Variants in BNC2 observed in about 807,000 individuals in gnomAD.
The protein encoded by BNC2 is basonuclin zinc finger protein 2.
A neutral mutation model predicts 76.3 loss-of-function variants in BNC2; 20 were observed. The ratio of observed to expected loss-of-function variants is 0.26; its 90% CI spans 0.18 to 0.38. The LOEUF (loss-of-function observed/expected upper bound fraction) is 0.38, where lower values mean the gene tolerates loss of function less well. Among genes scored for constraint, BNC2 ranks in the 10% least tolerant of loss-of-function variants. The pLI is 1.00. For missense variants in BNC2, 1,382 were observed against 1,399.8 expected (o/e 0.99, Z 0.20); for synonymous variants, 582 against 514.8 (o/e 1.13, Z -1.77).
At chr9:16,722,387 A>G (rs1229125660) in intron 3 of BNC2, among the ~76,000 whole-genome samples, 1 of 152,238 alleles carries the variant, frequency 6.6e-6, no homozygotes, top group Non-Finnish European at 1.5e-5. Context: ...CTGTCCTGTC[A>G]CTGCATTAAT....
rs144491502 is a variant in BNC2 at position 16,780,514 on chromosome 9, G to A, written c.4-42029C>T. ...CTGAACCCAGGAGGCGGAGGCTGCA[G>A]TGAGCCGAGATCACACCACTACACT... On this transcript the variant is annotated intron_variant, in intron 1 of 6. Coordinates refer to ENST00000380672, the MANE Select transcript of BNC2 (RefSeq NM_017637.6). Among the ~76,000 whole-genome samples, 32 of 151,846 alleles carry A rather than the reference G, an allele frequency of 2.1e-4. No homozygotes were observed. The East Asian group carries it at 5.8e-3, about 28-fold the overall frequency.
chr9:16,615,190 A>G (rs1587237654), intron 3 of BNC2, among the ~76,000 whole-genome samples: 1 of 152,216 alleles, frequency 6.6e-6, no homozygotes, highest in African/African-American at 2.4e-5. Flanking sequence ...GTAATTTAGC[A>G]GGTAAGTTTA....
intron 3 of BNC2, among the ~76,000 whole-genome samples, chr9:16,605,857 C>T (rs977418753): frequency 1.3e-5 from 2 of 148,436 alleles, no homozygotes; most frequent in Admixed American, 6.8e-5. Flanking sequence ...GGCACAACCA[C>T]GGTTCACTGT....
intron 1 of BNC2, among the ~76,000 whole-genome samples, chr9:16,862,102 A>C (rs930570141): frequency 6.6e-6 from 1 of 152,224 alleles, no homozygotes; most frequent in African/African-American, 2.4e-5. Flanking sequence ...TTGGAAAACA[A>C]TTTGGAAGTT....
At chr9:16,456,999 T>C (rs531798253) in intron 5 of BNC2, among the ~76,000 whole-genome samples, 94 of 152,308 alleles carry the variant, frequency 6.2e-4, no homozygotes, top group African/African-American at 2.2e-3. Flanking sequence ...TGTGAGTATA[T>C]GTGGTGGGGA....
chr9:16,840,642 A>T (rs1440242807), intron 1 of BNC2, among the ~76,000 whole-genome samples: 1 of 152,210 alleles, frequency 6.6e-6, no homozygotes, highest in Non-Finnish European at 1.5e-5. Context: ...AGATATACCA[A>T]AAGCAAAAAA....
intron 3 of BNC2, among the ~76,000 whole-genome samples, chr9:16,686,346 A>C (rs1164554300): frequency 6.6e-6 from 1 of 152,196 alleles, no homozygotes; most frequent in African/African-American, 2.4e-5. Context: ...TAATTAGTCA[A>C]TATCATCCCT....
At chr9:16,526,249 A>C (rs1051407231) in intron 5 of BNC2, among the ~76,000 whole-genome samples, 2 of 152,110 alleles carry the variant, frequency 1.3e-5, no homozygotes, top group African/African-American at 4.8e-5. Context: ...TGTGGCAAAG[A>C]ATATGGTATT....
intron 3 of BNC2, among the ~76,000 whole-genome samples, chr9:16,607,235 C>T (rs1022103140): frequency 6.6e-6 from 1 of 152,148 alleles, no homozygotes; most frequent in South Asian, 2.1e-4. Flanking sequence ...AGCCACAGTG[C>T]GCTGTGGTAT....
rs557064820 is a variant in BNC2 at position 16,676,717 on chromosome 9, G to A, written c.330+51080C>T. On this transcript the variant is annotated intron_variant, in intron 3 of 6. Coordinates refer to ENST00000380672, the MANE Select transcript of BNC2 (RefSeq NM_017637.6). Reference sequence around the variant, plus strand: ...TGCCTAAGCAGATGCTAAGTTAACCGCAGCAGCGGAATAAAGAAGGTCTCG... The same window carrying A: ...TGCCTAAGCAGATGCTAAGTTAACCACAGCAGCGGAATAAAGAAGGTCTCG... 5.3e-5 allele frequency among the ~76,000 whole-genome samples: 8 copies of A among 152,126 alleles called. No homozygotes were observed. The East Asian group carries it at 5.8e-4, about 11-fold the overall frequency.
At chr9:16,561,334 T>A (rs1819008676) in intron 4 of BNC2, among the ~76,000 whole-genome samples, 1 of 151,878 alleles carries the variant, frequency 6.6e-6, no homozygotes, top group Non-Finnish European at 1.5e-5. Flanking sequence ...AAATTGGAGA[T>A]AGAAACGGGG....
chr9:16,616,225 T>A lies in BNC2; in HGVS notation c.331-33140A>T, dbSNP rs185352282. On this transcript the variant is annotated intron_variant, in intron 3 of 6. Coordinates refer to ENST00000380672, the MANE Select transcript of BNC2 (RefSeq NM_017637.6). ...AACAAAGTAAGACACTGTCTCTACA[T>A]AATAAAAAATAAATAAATTAGGTGG... Among the ~76,000 whole-genome samples, 235 of 151,374 alleles carry A rather than the reference T, an allele frequency of 1.6e-3. 2 individuals are homozygous for A. The highest frequency in any genetic ancestry group is 5.4e-3 in the African/African-American group (221 of 41,222).
rs141651457 is a variant in BNC2, at chr9:16,760,085, G to C, written c.4-21600C>G. 3.8e-3 allele frequency among the ~76,000 whole-genome samples: 578 copies of C among 152,236 alleles called. 2 individuals carry two copies. The highest frequency in any genetic ancestry group is 0.013 in the African/African-American group (554 of 41,540). On this transcript the variant is annotated intron_variant, in intron 1 of 6. Coordinates refer to ENST00000380672, the MANE Select transcript of BNC2 (RefSeq NM_017637.6). ...TTTTATTTGCAGTGAGAATGTATAGGAAATAGCTATAATGATACTTCCATG... is the reference window on the plus strand; with the variant it reads ...TTTTATTTGCAGTGAGAATGTATAGCAAATAGCTATAATGATACTTCCATG...
Position 16,436,459 on chromosome 9 carries a change from G to A in BNC2, c.1735C>T (p.Pro579Ser). 6.2e-7 allele frequency: 1 copy of A among 1,614,046 alleles called. No individual in the cohort carries two copies. Among genetic ancestry groups the A allele is most frequent in the Non-Finnish European group, 8.5e-7 (1 of 1,179,988 alleles). ...VPPFYRSLLT[P>S]GEMVSPPTSL... ...GTTGGAGGACTCACCATTTCCCCTG[G>A]AGTGAGTAAACTTCTATAAAATGGA... is the stretch of plus-strand genomic sequence containing the variant. The change falls in exon 6 of 7, where the codon CCA (proline) becomes TCA (serine). Residue 579 changes from proline to serine, a missense_variant. Physicochemically the swap from Pro to Ser is moderately conservative, Grantham distance 74. Around this residue, in one of 3 missense-constraint regions of BNC2, gnomAD observed 798 missense variants for 775.5 expected, o/e 1.03. Coordinates refer to ENST00000380672, the MANE Select transcript of BNC2 (RefSeq NM_017637.6).
intron 4 of BNC2, among the ~76,000 whole-genome samples, chr9:16,561,535 C>T (rs755021829): frequency 3.3e-5 from 5 of 151,156 alleles, no homozygotes; most frequent in Non-Finnish European, 4.4e-5. Flanking sequence ...TAAAACTGAT[C>T]CACTTGAGAA....
rs1376517782 is a variant in BNC2 at position 16,749,062 on chromosome 9, C to G, written c.4-10577G>C. Among the ~76,000 whole-genome samples the G allele has an allele frequency of 1.4e-4, 5 of 36,048 alleles. No homozygotes were observed. The East Asian group carries it at 3.3e-3, about 24-fold the overall frequency. 23.6% of individuals were successfully genotyped at this position (36,048 alleles called of 152,430 possible). A position where few individuals can be genotyped will look rare whatever the true frequency, so the allele number is the denominator to read the frequency against. ...TGGGGGAATGACTATCTTAGAAATT[C>G]AGTATGTAAGCTTGTAAGCTTTGTT... On this transcript the variant is annotated intron_variant, in intron 1 of 6. Transcript: ENST00000380672.
At chr9:16,680,542 G>A (rs1021872681) in intron 3 of BNC2, among the ~76,000 whole-genome samples, 1 of 151,264 alleles carries the variant, frequency 6.6e-6, no homozygotes, top group Non-Finnish European at 1.5e-5. Flanking sequence ...AGAACATGTG[G>A]CAGACATTTT....
chr9:16,708,643 G>A (rs1395471155), intron 3 of BNC2, among the ~76,000 whole-genome samples: 2 of 152,168 alleles, frequency 1.3e-5, no homozygotes, highest in Admixed American at 1.3e-4. Context: ...CACAGGAAGG[G>A]CGGGGTGAGA....
intron 1 of BNC2, among the ~76,000 whole-genome samples, chr9:16,857,739 A>C (rs1819300159): frequency 6.6e-6 from 1 of 152,246 alleles, no homozygotes; most frequent in Admixed American, 6.5e-5. Flanking sequence ...TAACTGGCAA[A>C]AGGCCAGAAA....
Sources: gnomAD v4.1 joint callset for allele counts (sites outside exome capture counted in the v4.1 genomes callset) on GRCh38, gnomAD v4.1.1 for gene constraint, gnomAD v4.1.1 regional missense constraint, MANE v1.5 for transcripts, NCBI Gene and HGNC (gene_info 2026-07-23, HGNC 2026-07-21) for gene names.